RUFY4: variants seen among roughly 807,000 people sequenced by gnomAD.
The protein encoded by RUFY4 is RUN and FYVE domain-containing protein 4.
A neutral mutation model predicts 69.0 loss-of-function variants in RUFY4; 73 were observed. The ratio of observed to expected loss-of-function variants is 1.06; its 90% CI spans 0.88 to 1.29. RUFY4 has a LOEUF of 1.29. RUFY4 is among the 50% of genes most tolerant of loss of function. RUFY4 has a pLI of 0.00. For synonymous variants in RUFY4, 287 were observed against 271.8 expected (o/e 1.06, Z -0.55); for missense variants, 770 against 705.6 (o/e 1.09, Z -1.03).
intron 5 of RUFY4, among the ~76,000 whole-genome samples, 194 bp downstream of exon 7, chr2:218,073,580 A>G (rs1689548852): frequency 6.6e-6 from 1 of 152,066 alleles, no homozygotes; most frequent in African/African-American, 2.4e-5. Flanking sequence ...TAGAATATGC[A>G]CTCACTAACG....
chr2:218,073,289 G>A, exon 5 of RUFY4: 1 of 1,555,828 alleles, frequency 6.4e-7, no homozygotes, highest in Non-Finnish European at 8.7e-7. Context: ...AGAACGCCAA[G>A]AAGACATCCT....
intron 3 of RUFY4, chr2:218,060,316 G>T: frequency 6.6e-7 from 1 of 1,515,750 alleles, no homozygotes; most frequent in Non-Finnish European, 8.8e-7. Context: ...GAACCCCACG[G>T]GACTGCACTT....
At chr2:218,089,547 C>T (rs1386687746) in intron 10 of RUFY4, 185 bp downstream of exon 12, 1 of 642,598 alleles carries the variant, frequency 1.6e-6, no homozygotes. Flanking sequence ...AGGAGAAGAG[C>T]AGAAGGATCA....
chr2:218,088,989 C>T (rs1340499541), intron 9 of RUFY4, among the ~76,000 whole-genome samples: 1 of 151,548 alleles, frequency 6.6e-6, no homozygotes, highest in African/African-American at 2.4e-5. Context: ...CTCTGAGTAA[C>T]CATCTTTCTC....
At chr2:218,060,054 G>A in intron 3 of RUFY4, 1 of 265,892 alleles carries the variant, frequency 3.8e-6, no homozygotes, top group Non-Finnish European at 7.7e-6. Context: ...TCTCACTGGA[G>A]TGTAGATTTT....
intron 8 of RUFY4, among the ~76,000 whole-genome samples, chr2:218,077,317 G>A (rs1041382333): frequency 3.9e-5 from 6 of 152,090 alleles, no homozygotes; most frequent in Admixed American, 1.3e-4. Flanking sequence ...CCCACAGCAC[G>A]CTGTCTGTCT....
At chr2:218,082,464 G>A (rs376202691) in intron 8 of RUFY4, among the ~76,000 whole-genome samples, 61 of 152,142 alleles carry the variant, frequency 4.0e-4, no homozygotes, top group Non-Finnish European at 3.4e-4. Flanking sequence ...AAACAAAGCC[G>A]GGAGGAGGAA....
chr2:218,072,713 C>G, intron 3 of RUFY4, 66 bp from the exon 6 acceptor site: 4 of 1,351,972 alleles, frequency 3.0e-6, no homozygotes, highest in Non-Finnish European at 4.0e-6. Context: ...AGTCCCCTCT[C>G]TCTGTGTTAC....
intron 9 of RUFY4, among the ~76,000 whole-genome samples, chr2:218,086,789 G>A (rs928634665): frequency 6.6e-6 from 1 of 152,164 alleles, no homozygotes; most frequent in Admixed American, 6.5e-5. Flanking sequence ...AAGATGACAA[G>A]TGGGCAGCAA....
chr2:218,060,508 A>C (rs1689156877), intron 3 of RUFY4: 11 of 1,310,792 alleles, frequency 8.4e-6, no homozygotes, highest in Admixed American at 3.4e-5. Flanking sequence ...GTAGCTGTGA[A>C]GGATGCCCAG....
intron 9 of RUFY4, among the ~76,000 whole-genome samples, chr2:218,087,535 A>G (rs1689923489): frequency 6.6e-6 from 1 of 152,228 alleles, no homozygotes; most frequent in African/African-American, 2.4e-5. Flanking sequence ...TTCTGTAAAA[A>G]TTACAATGGT....
chr2:218,058,147 G>T (rs1471606318), intron 2 of RUFY4, among the ~76,000 whole-genome samples: 1 of 152,172 alleles, frequency 6.6e-6, no homozygotes, highest in Non-Finnish European at 1.5e-5. Flanking sequence ...CTAATCTGGT[G>T]AATTCTCACT....
intron 9 of RUFY4, among the ~76,000 whole-genome samples, chr2:218,083,658 G>A (rs865993997): frequency 1.3e-5 from 2 of 151,792 alleles, no homozygotes; most frequent in South Asian, 2.1e-4. Flanking sequence ...TGAGGCAACA[G>A]AATCACTTGA....
intron 3 of RUFY4, chr2:218,060,102 AGGAG>A: frequency 2.8e-6 from 1 of 362,632 alleles, no homozygotes; most frequent in Non-Finnish European, 5.2e-6. Flanking sequence ...GCTCAAGGGC[AGGAG>A]GGACAGAGCT....
chr2:218,067,527 AG>A (rs1689370012), upstream of RUFY4, among the ~76,000 whole-genome samples: 1 of 152,180 alleles, frequency 6.6e-6, no homozygotes, highest in African/African-American at 2.4e-5. Context: ...GCCCCTGAAG[AG>A]GGGAGCCCCA....
At chr2:218,046,162 T>C (rs886991201) in intron 2 of RUFY4, among the ~76,000 whole-genome samples, 2 of 151,978 alleles carry the variant, frequency 1.3e-5, no homozygotes, top group Non-Finnish European at 2.9e-5. Context: ...AATTAGCACA[T>C]CCATCATCTC....
At chr2:218,051,567 TTAA>T (rs1438543371) in intron 2 of RUFY4, among the ~76,000 whole-genome samples, 10,167 of 125,156 alleles carry the variant, frequency 0.081, 631 homozygotes, top group African/African-American at 0.18. Context: ...TTCCAATATT[TTAA>T]AAAAAAAAAA....
At chr2:218,072,914 A>T (rs1324814336) in intron 4 of RUFY4, 29 bp downstream of exon 6, 3 of 1,480,214 alleles carry the variant, frequency 2.0e-6, no homozygotes, top group Admixed American at 4.6e-5. Context: ...CCTCCTGCCG[A>T]TGCCATCTGA....
intron 2 of RUFY4, among the ~76,000 whole-genome samples, chr2:218,047,898 G>C (rs925139692): frequency 6.6e-6 from 1 of 152,042 alleles, no homozygotes; most frequent in Non-Finnish European, 1.5e-5. Flanking sequence ...TAATCTATAA[G>C]TCTATCCTAT....
Sources: gnomAD v4.1 joint callset for allele counts (sites outside exome capture counted in the v4.1 genomes callset) on GRCh38, gnomAD v4.1.1 for gene constraint, MANE v1.5 for transcripts, NCBI Gene and HGNC (gene_info 2026-07-23, HGNC 2026-07-21) for gene names.